CACNA1I: variants seen among roughly 807,000 people sequenced by gnomAD.
The protein encoded by CACNA1I is calcium voltage-gated channel subunit alpha1 I, also known as voltage-dependent T-type calcium channel subunit alpha-1I.
A neutral mutation model predicts 201.6 loss-of-function variants in CACNA1I; 74 were observed. The ratio of observed to expected loss-of-function variants is 0.37; its 90% confidence interval spans 0.30 to 0.45. The LOEUF is 0.45. CACNA1I is among the 20% of genes least tolerant of loss of function. The pLI, the probability that CACNA1I is intolerant of heterozygous loss-of-function variation, is 1.00. For missense variants in CACNA1I, 2,346 were observed against 3,138.1 expected (o/e 0.75, Z 6.03); for synonymous variants, 1,431 against 1,345.2 (o/e 1.06, Z -1.40).
intron 4 of CACNA1I, among the ~76,000 whole-genome samples, chr22:39,621,497 C>T (rs1192370398): frequency 2.6e-5 from 4 of 152,178 alleles, no homozygotes; most frequent in South Asian, 2.1e-4. Flanking sequence ...GCAGGCCTGG[C>T]GGGGCAGGAG....
chr22:39,598,002 C>A, intron 1 of CACNA1I, 149 bp from the exon 2 acceptor site: 1 of 631,546 alleles, frequency 1.6e-6, no homozygotes. Context: ...GGGCTTTGAG[C>A]TGTTTCAGGG....
At chr22:39,591,460 C>T (rs969516609) in intron 1 of CACNA1I, among the ~76,000 whole-genome samples, 3 of 152,064 alleles carry the variant, frequency 2.0e-5, no homozygotes, top group East Asian at 1.9e-4. Context: ...CGGCACCCGG[C>T]CTGGCCTGGA....
chr22:39,646,509 C>T, intron 7 of CACNA1I, 60 bp from the exon 8 acceptor site: 4 of 1,485,534 alleles, frequency 2.7e-6, no homozygotes, highest in South Asian at 1.4e-5. Context: ...CTGCCTCTCT[C>T]ACCCTTCTGT....
chr22:39,604,969 C>T (rs1167002956), intron 3 of CACNA1I, among the ~76,000 whole-genome samples: 1 of 151,986 alleles, frequency 6.6e-6, no homozygotes, highest in Non-Finnish European at 1.5e-5. Context: ...TGCTCAAGGT[C>T]GTTCCCATCC....
At position 39,677,464 on chromosome 22, in the gene CACNA1I, C is replaced by A; in HGVS notation, c.4933+45C>A. 7.4e-7 allele frequency: 1 copy of A among 1,351,340 alleles called. No individual in the cohort carries two copies. Among genetic ancestry groups the A allele is most frequent in the Admixed American group, 2.3e-5 (1 of 43,308 alleles). 83.7% of individuals were successfully genotyped at this position (1,351,340 alleles called of 1,614,324 possible). ...GGCCCGTGGTGGGGGTGCAGCAGGG[C>A]TGCAGGAGGAACTGGGGGGGCGGGG... On this transcript the variant is annotated intron_variant, in intron 30 of 36. Coordinates refer to ENST00000402142, the MANE Select transcript of CACNA1I (RefSeq NM_021096.4). The surrounding 1 kb of genome is among the most constrained non-coding windows in gnomAD (Gnocchi z 4.8).
chr22:39,594,248 G>T (rs1601802030), intron 1 of CACNA1I, among the ~76,000 whole-genome samples: 2 of 152,192 alleles, frequency 1.3e-5, no homozygotes, highest in East Asian at 3.9e-4. Context: ...TTGTTGAGGA[G>T]GCAGCAGGGG....
chr22:39,626,421 A>G (rs1286692758), intron 4 of CACNA1I, among the ~76,000 whole-genome samples: 1 of 152,038 alleles, frequency 6.6e-6, no homozygotes, highest in Non-Finnish European at 1.5e-5. Context: ...TTTGGAAGAC[A>G]CTCATCAGCT....
chr22:39,632,688 CATGA>C (rs1934098328), intron 4 of CACNA1I, among the ~76,000 whole-genome samples: 1 of 152,234 alleles, frequency 6.6e-6, no homozygotes, highest in Admixed American at 6.5e-5. Context: ...CTATGTGTTT[CATGA>C]ATGAATGAGT....
At chr22:39,593,734 G>C (rs1289454614) in intron 1 of CACNA1I, among the ~76,000 whole-genome samples, 1 of 152,186 alleles carries the variant, frequency 6.6e-6, no homozygotes, top group Non-Finnish European at 1.5e-5. Flanking sequence ...AAACAGCTTG[G>C]AGGCAGGAAA....
At chr22:39,663,330 G>A (rs192134997) in intron 18 of CACNA1I, among the ~76,000 whole-genome samples, 288 of 152,306 alleles carry the variant, frequency 1.9e-3, no homozygotes, top group African/African-American at 6.6e-3. Context: ...GGCTCTGGAG[G>A]CAGGTGGCAT....
chr22:39,612,706 G>A (rs1033989517), intron 3 of CACNA1I, among the ~76,000 whole-genome samples: 2 of 152,196 alleles, frequency 1.3e-5, no homozygotes, highest in Admixed American at 6.5e-5. Context: ...GAATTTCAAT[G>A]TATGAATTTT....
intron 4 of CACNA1I, among the ~76,000 whole-genome samples, chr22:39,620,673 T>A (rs1323594087): frequency 6.6e-6 from 1 of 152,154 alleles, no homozygotes; most frequent in Non-Finnish European, 1.5e-5. Flanking sequence ...CTTCTAGGAA[T>A]GGGGTGAAGA....
At chr22:39,582,974 A>ATCCC (rs1241540213) in intron 1 of CACNA1I, among the ~76,000 whole-genome samples, 1 of 149,452 alleles carries the variant, frequency 6.7e-6, no homozygotes, top group Non-Finnish European at 1.5e-5. Flanking sequence ...CAATCCATCC[A>ATCCC]TCCCTCCATC....
chr22:39,593,532 G>C (rs912970672), intron 1 of CACNA1I, among the ~76,000 whole-genome samples: 1 of 152,234 alleles, frequency 6.6e-6, no homozygotes, highest in Non-Finnish European at 1.5e-5. Flanking sequence ...GAAAGGGAAA[G>C]TGTAGGCAGA....
chr22:39,588,285 G>A (rs956329389), intron 1 of CACNA1I, among the ~76,000 whole-genome samples: 7 of 150,566 alleles, frequency 4.6e-5, no homozygotes, highest in Non-Finnish European at 8.9e-5. Flanking sequence ...GGTACATGCC[G>A]GCAAACTCAG....
intron 3 of CACNA1I, among the ~76,000 whole-genome samples, chr22:39,617,408 T>TC (rs1178738237): frequency 1.3e-5 from 2 of 151,628 alleles, no homozygotes; most frequent in Non-Finnish European, 2.9e-5. Context: ...AGGGACTGAC[T>TC]CCCCCCACCC....
At chr22:39,664,672 C>G in intron 20 of CACNA1I, 67 bp from the exon 21 acceptor site, 1 of 696,820 alleles carries the variant, frequency 1.4e-6, no homozygotes, top group Admixed American at 2.2e-5. Flanking sequence ...GCATAGAGCC[C>G]GGTTGGCCCC....
intron 3 of CACNA1I, 51 bp from the exon 4 acceptor site, chr22:39,619,259 G>T: frequency 1.4e-6 from 2 of 1,429,578 alleles, no homozygotes; most frequent in South Asian, 2.3e-5. Flanking sequence ...CCGGGCCCTG[G>T]CCCCAGCTGG....
At chr22:39,625,525 T>A (rs1450987435) in intron 4 of CACNA1I, among the ~76,000 whole-genome samples, 1 of 152,168 alleles carries the variant, frequency 6.6e-6, no homozygotes, top group East Asian at 1.9e-4. Context: ...GAGGATAAAC[T>A]GGATTAAATA....
Sources: gnomAD v4.1 joint callset for allele counts (sites outside exome capture counted in the v4.1 genomes callset) on GRCh38, gnomAD v4.1.1 for gene constraint, Gnocchi (gnomAD v3.1) non-coding constraint, MANE v1.5 for transcripts, NCBI Gene and HGNC (gene_info 2026-07-23, HGNC 2026-07-21) for gene names.